The following FLNB variants were observed in gnomAD, a reference collection of about 807,000 sequenced individuals.
FLNB encodes filamin B.
Under a neutral mutation model 250.6 loss-of-function variants are expected in FLNB, and 111 were observed. The ratio of observed to expected loss-of-function variants is 0.44; its 90% CI spans 0.38 to 0.52. The LOEUF is 0.52. FLNB is among the 20% of genes least tolerant of loss of function. FLNB has a pLI of 0.00. For missense variants in FLNB, 2,869 were observed against 3,447.8 expected (o/e 0.83, Z 4.20); for synonymous variants, 1,302 against 1,372.1 (o/e 0.95, Z 1.13).
At chr3:58,150,560 C>T (rs1485936001) in intron 38 of FLNB, 2 of 366,560 alleles carry the variant, frequency 5.5e-6, no homozygotes, top group Admixed American at 4.0e-5. Context: ...CTGGCCCTGC[C>T]GATGCCAGGG....
chr3:58,067,572 G>GTTTTTTTTTTT (rs11400987), intron 1 of FLNB, among the ~76,000 whole-genome samples: 10 of 145,134 alleles, frequency 6.9e-5, no homozygotes, highest in African/African-American at 2.3e-4. Context: ...TAACAAAGAG[G>GTTTTTTTTTTT]TTTTTTTTGT....
At chr3:58,133,584 T>G (rs2097311485) in intron 26 of FLNB, among the ~76,000 whole-genome samples, 1 of 152,150 alleles carries the variant, frequency 6.6e-6, no homozygotes, top group African/African-American at 2.4e-5. Flanking sequence ...CAAAGGTCTT[T>G]ACTTCAGGGT....
chr3:58,104,108 G>T, intron 10 of FLNB, 23 bp downstream of exon 10: 1 of 1,613,078 alleles, frequency 6.2e-7, no homozygotes. Context: ...CTGCAGAGGG[G>T]TCTTCTCTGG....
In FLNB at chr3:58,121,632, G is replaced by A. The variant is rs1576755067; in HGVS notation, c.3126+129G>A. On this transcript the variant is annotated intron_variant, in intron 20 of 45. Coordinates refer to ENST00000295956, the MANE Select transcript of FLNB (RefSeq NM_001457.4). ...GTGATGAAAGTTAGCACAATTCACT[G>A]TGAAAGGTCCCCTGGGTAGGTGGGT... 4.1e-6 allele frequency: 5 copies of A among 1,211,114 alleles called. No homozygotes were observed. In the East Asian group the frequency reaches 1.2e-4, roughly 29 times the overall value. 75.0% of individuals were successfully genotyped at this position (1,211,114 alleles called of 1,614,324 possible).
At chr3:58,167,912 C>G (rs2097373628) in intron 43 of FLNB, among the ~76,000 whole-genome samples, 1 of 152,224 alleles carries the variant, frequency 6.6e-6, no homozygotes, top group Non-Finnish European at 1.5e-5. Flanking sequence ...GAATTCACGG[C>G]AAAGTGGGTG....
chr3:58,150,336 C>T lies in FLNB; in HGVS notation c.6367+109C>T, dbSNP rs74875494. 2.2e-3 allele frequency: 2,784 copies of T among 1,273,016 alleles called. 129 individuals are homozygous for T. The East Asian group carries it at 0.049, about 22-fold the overall frequency. The allele number at this position is 1,273,016 out of a possible 1,614,324, so 78.9% of individuals were successfully genotyped here. A position where few individuals can be genotyped will look rare whatever the true frequency, so the allele number is the denominator to read the frequency against. ...ATGGCCCAGAACACAGTATCCAAGT[C>T]GGCTGTGCTGACCTTTTCATTTCAC... On this transcript the variant is annotated intron_variant, in intron 38 of 45. Transcript: ENST00000295956.
At chr3:58,104,870 C>T (rs1411957161) in intron 10 of FLNB, among the ~76,000 whole-genome samples, 1 of 152,172 alleles carries the variant, frequency 6.6e-6, no homozygotes, top group African/African-American at 2.4e-5. Context: ...GCCACCTGAG[C>T]TCCCAGAAGC....
chr3:58,053,964 C>G (rs2097166554), intron 1 of FLNB, among the ~76,000 whole-genome samples: 1 of 152,154 alleles, frequency 6.6e-6, no homozygotes, highest in Non-Finnish European at 1.5e-5. Context: ...ACACCTTTCA[C>G]CTGGGCTGTC....
At chr3:58,117,798 T>TGAAGAATGCAACCAA (rs2097281355) in intron 18 of FLNB, among the ~76,000 whole-genome samples, 1 of 151,514 alleles carries the variant, frequency 6.6e-6, no homozygotes, top group Non-Finnish European at 1.5e-5. Flanking sequence ...CAGTTTTTTT[T>TGAAGAATGCAACCAA]TTTTTTTCTT....
chr3:58,093,231 G>C (rs1247112439), intron 4 of FLNB, among the ~76,000 whole-genome samples: 2 of 152,224 alleles, frequency 1.3e-5, no homozygotes. Flanking sequence ...ACGGGGCAAA[G>C]TTTAGAGGCG....
intron 18 of FLNB, among the ~76,000 whole-genome samples, 185 bp downstream of exon 18, chr3:58,112,503 A>G (rs1429200681): frequency 6.6e-6 from 1 of 152,252 alleles, no homozygotes; most frequent in African/African-American, 2.4e-5. Context: ...AATGGGTTCT[A>G]TCAGGTGAAC....
At chr3:58,091,815 C>T (rs1160023604) in intron 4 of FLNB, among the ~76,000 whole-genome samples, 3 of 152,194 alleles carry the variant, frequency 2.0e-5, no homozygotes, top group Admixed American at 2.0e-4. Context: ...TCTTAGCCCT[C>T]ACACTATAAA....
intron 45 of FLNB, 165 bp from the exon 46 acceptor site, chr3:58,170,410 C>A: frequency 1.5e-6 from 1 of 662,754 alleles, no homozygotes. Flanking sequence ...TTCGAACCCA[C>A]ACCGTCAGGC....
chr3:58,073,360 A>G (rs1301459774), intron 1 of FLNB, among the ~76,000 whole-genome samples: 1 of 152,098 alleles, frequency 6.6e-6, no homozygotes, highest in Non-Finnish European at 1.5e-5. Context: ...AGTCATGGTC[A>G]AGGACTTCCA....
At chr3:58,098,479 C>T (rs1478674892) in intron 7 of FLNB, among the ~76,000 whole-genome samples, 2 of 152,152 alleles carry the variant, frequency 1.3e-5, no homozygotes, top group Non-Finnish European at 2.9e-5. Flanking sequence ...TACAGGCGTG[C>T]GCCACCATGC....
At chr3:58,078,475 T>C in intron 2 of FLNB, 1 of 1,536,134 alleles carries the variant, frequency 6.5e-7, no homozygotes, top group Non-Finnish European at 8.7e-7. Flanking sequence ...GAATGGATAA[T>C]CCCCATCTTC....
chr3:58,019,265 G>A (rs930684002), intron 1 of FLNB, among the ~76,000 whole-genome samples: 5 of 152,068 alleles, frequency 3.3e-5, no homozygotes, highest in Admixed American at 2.0e-4. Flanking sequence ...ATTTCTGTAC[G>A]CCAATGAGAA....
At chr3:58,060,368 T>C (rs1439008848) in intron 1 of FLNB, among the ~76,000 whole-genome samples, 1 of 150,572 alleles carries the variant, frequency 6.6e-6, no homozygotes, top group African/African-American at 2.4e-5. Flanking sequence ...TTTTTTTTTT[T>C]TTTGAGATGG....
intron 9 of FLNB, among the ~76,000 whole-genome samples, chr3:58,103,607 G>A (rs1399048876): frequency 6.6e-6 from 1 of 152,162 alleles, no homozygotes; most frequent in Non-Finnish European, 1.5e-5. Context: ...GGGGGACTAG[G>A]AAGGGTAGCT....
Sources: gnomAD v4.1 joint callset for allele counts (sites outside exome capture counted in the v4.1 genomes callset) on GRCh38, gnomAD v4.1.1 for gene constraint, MANE v1.5 for transcripts, NCBI Gene and HGNC (gene_info 2026-07-23, HGNC 2026-07-21) for gene names.